UBR3: variants seen among roughly 807,000 people sequenced by gnomAD.
UBR3 encodes the protein E3 ubiquitin-protein ligase UBR3.
In UBR3, 85 loss-of-function variants were observed where a neutral mutation model predicts 243.2. The ratio of observed to expected loss-of-function variants is 0.35; its 90% CI spans 0.29 to 0.42. The LOEUF (loss-of-function observed/expected upper bound fraction) is 0.42, where lower values mean the gene tolerates loss of function less well. Among genes scored for constraint, UBR3 ranks in the 10% least tolerant of loss-of-function variants. The pLI, the probability that UBR3 is intolerant of heterozygous loss-of-function variation, is 1.00. For synonymous variants in UBR3, 748 were observed against 799.8 expected (o/e 0.94, Z 1.09); for missense variants, 1,686 against 2,300.8 (o/e 0.73, Z 5.47).
intron 29 of UBR3, among the ~76,000 whole-genome samples, chr2:170,012,603 G>A (rs1202969320): frequency 6.6e-6 from 1 of 151,902 alleles, no homozygotes; most frequent in African/African-American, 2.4e-5. Context: ...TCCCAGGAAA[G>A]CTTCCTGGAG....
intron 24 of UBR3, among the ~76,000 whole-genome samples, chr2:169,961,871 C>T (rs2087589259): frequency 8.1e-6 from 1 of 123,764 alleles, no homozygotes; most frequent in South Asian, 2.6e-4. Flanking sequence ...AATTTTTTCC[C>T]ATGTTTTTTT....
At chr2:169,915,297 A>G (rs6709527) in intron 11 of UBR3, among the ~76,000 whole-genome samples, 111,762 of 151,806 alleles carry the variant, frequency 0.74, 42,580 homozygotes, top group East Asian at 0.88. Context: ...GCAGTGGCAC[A>G]ATCTTGGCTC....
chr2:169,920,011 G>C (rs13012722), intron 11 of UBR3, among the ~76,000 whole-genome samples: 64,140 of 151,738 alleles, frequency 0.42, 15,116 homozygotes, highest in Non-Finnish European at 0.54. Flanking sequence ...ACATGCACAC[G>C]TATGTTTATA....
chr2:169,905,071 A>G, intron 8 of UBR3, 43 bp from the exon 9 acceptor site: 1 of 1,410,824 alleles, frequency 7.1e-7, no homozygotes, highest in Non-Finnish European at 9.2e-7. Context: ...AGCTTTTTAA[A>G]AAAATCTTAT....
intron 32 of UBR3, among the ~76,000 whole-genome samples, chr2:170,051,032 G>A (rs967339302): frequency 6.6e-6 from 1 of 152,024 alleles, no homozygotes; most frequent in Non-Finnish European, 1.5e-5. Context: ...AGATTACTTA[G>A]TACAATATAA....
At chr2:169,991,098 A>G (rs1261920701) in intron 25 of UBR3, among the ~76,000 whole-genome samples, 1 of 152,188 alleles carries the variant, frequency 6.6e-6, no homozygotes, top group Non-Finnish European at 1.5e-5. Context: ...TAAGTTAAGA[A>G]TTGTTACAAG....
chr2:169,880,837 C>T (rs755876603), intron 5 of UBR3, among the ~76,000 whole-genome samples: 5 of 152,100 alleles, frequency 3.3e-5, no homozygotes, highest in Non-Finnish European at 7.4e-5. Context: ...TATTTATCTC[C>T]TACTTAAAGT....
chr2:169,885,728 G>A (rs1408629328), intron 5 of UBR3, among the ~76,000 whole-genome samples: 1 of 152,062 alleles, frequency 6.6e-6, no homozygotes, highest in Non-Finnish European at 1.5e-5. Flanking sequence ...TGCAAAATAA[G>A]TTACTGTGTA....
At chr2:169,839,629 A>G (rs2082226732) in intron 1 of UBR3, among the ~76,000 whole-genome samples, 1 of 152,236 alleles carries the variant, frequency 6.6e-6, no homozygotes, top group Admixed American at 6.5e-5. Flanking sequence ...TATTACATGT[A>G]CTCAGAAACT....
At chr2:169,862,098 A>G (rs1461204770) in intron 1 of UBR3, among the ~76,000 whole-genome samples, 4 of 152,032 alleles carry the variant, frequency 2.6e-5, no homozygotes, top group African/African-American at 9.7e-5. Context: ...CAAGGTTTCA[A>G]TGTATATTTA....
intron 24 of UBR3, chr2:169,964,388 A>G: frequency 2.1e-6 from 1 of 468,822 alleles, no homozygotes. Context: ...CTTTCCACTC[A>G]CAAGTGAGAC....
chr2:170,063,753 C>T (rs1028054071), intron 35 of UBR3, among the ~76,000 whole-genome samples: 4 of 152,088 alleles, frequency 2.6e-5, no homozygotes, highest in African/African-American at 9.7e-5. Context: ...ATTTATTTTT[C>T]ACTGATGAAC....
intron 17 of UBR3, 92 bp from the exon 18 acceptor site, chr2:169,928,635 C>T (rs575730493): frequency 3.8e-5 from 40 of 1,056,214 alleles, no homozygotes; most frequent in Non-Finnish European, 4.8e-5. Context: ...TACTATTTGT[C>T]TACTTCAGCA....
chr2:169,895,335 T>C (rs2084539226), intron 7 of UBR3, 24 bp downstream of exon 7: 6 of 1,520,526 alleles, frequency 3.9e-6, no homozygotes, highest in Non-Finnish European at 4.4e-6. Context: ...TTCCTGCTTT[T>C]CTGAACTTAG....
chr2:170,017,232 G>T (rs2090262468), intron 30 of UBR3, among the ~76,000 whole-genome samples: 2 of 150,374 alleles, frequency 1.3e-5, no homozygotes, highest in Admixed American at 6.6e-5. Context: ...TTTTTTCTAG[G>T]GAAATATCTT....
intron 1 of UBR3, among the ~76,000 whole-genome samples, chr2:169,871,687 G>A: frequency 7.3e-6 from 1 of 137,654 alleles, no homozygotes; most frequent in East Asian, 2.2e-4. Context: ...GGCAGAGGTT[G>A]CAATGAGCCG....
At chr2:170,000,066 T>C (rs1348801677) in intron 26 of UBR3, among the ~76,000 whole-genome samples, 3 of 150,178 alleles carry the variant, frequency 2.0e-5, no homozygotes, top group African/African-American at 7.4e-5. Context: ...GCGGAGGTTG[T>C]GGTGAGCCGA....
intron 5 of UBR3, among the ~76,000 whole-genome samples, chr2:169,886,564 A>T (rs2084111243): frequency 6.6e-6 from 1 of 152,162 alleles, no homozygotes; most frequent in Non-Finnish European, 1.5e-5. Context: ...TGTCGCGCAT[A>T]GTTCTTTCTT....
rs931501392 is a variant in UBR3 at position 170,081,961 on chromosome 2, A to G, written c.*118A>G. 5 of 721,710 alleles carry G rather than the reference A, an allele frequency of 6.9e-6. No individual in the cohort carries two copies. Among genetic ancestry groups the G allele is most frequent in the Non-Finnish European group, 1.1e-5 (5 of 470,906 alleles). The allele number at this position is 721,710 out of a possible 1,614,324, so 44.7% of individuals were successfully genotyped here. A position where few individuals can be genotyped will look rare whatever the true frequency, so the allele number is the denominator to read the frequency against. On this transcript the variant is annotated 3_prime_UTR_variant, in exon 39 of 39. Coordinates refer to ENST00000272793, the MANE Select transcript of UBR3 (RefSeq NM_172070.4). ...TTGCTGAGGGAGAAAAAGAAAACAT[A>G]CATTATGAAGCCTTTCCAAAATTAG...
Sources: allele counts gnomAD v4.1 joint callset (sites outside exome capture counted in the v4.1 genomes callset), GRCh38; gene constraint gnomAD v4.1.1; transcripts MANE v1.5; gene names NCBI Gene and HGNC (gene_info 2026-07-23, HGNC 2026-07-21).